Variants in IFI35 observed in about 807,000 individuals in gnomAD.
IFI35 encodes interferon-induced 35 kDa protein.
Under a neutral mutation model 28.6 loss-of-function variants are expected in IFI35, and 30 were observed. The observed-to-expected ratio is 1.05, with a 90% CI of 0.79 to 1.43. The LOEUF is 1.43. Ranked by LOEUF, IFI35 falls within the 40% of genes most tolerant of loss-of-function variation. IFI35 has a pLI of 0.00. For synonymous variants in IFI35, 146 were observed against 154.8 expected (o/e 0.94, Z 0.42); for missense variants, 372 against 356.9 (o/e 1.04, Z -0.34).
chr17:43,014,292 C>T lies in IFI35; in HGVS notation c.854C>T (p.Ser285Leu). The T allele has an allele frequency of 6.4e-7, 1 of 1,561,516 alleles. No homozygotes were observed. ...GGCCTAGCAGTCTTCACCTCTGAGT[C>T]AGGCTAGGGGCCTCCCCTTCTCATC... ...QQGLAVFTSESG is the reference protein window; with the variant it reads ...QQGLAVFTSELG The change falls in exon 7 of 7, where the codon TCA becomes TTA. Residue 285 changes from serine (S) to leucine (L), a missense_variant. Physicochemically the swap from Ser to Leu is moderately radical, Grantham distance 145. Coordinates refer to ENST00000415816, the MANE Select transcript of IFI35 (RefSeq NM_001330230.2).
chr17:43,009,751 C>G (rs1442454360), intron 1 of IFI35, among the ~76,000 whole-genome samples: 3 of 150,280 alleles, frequency 2.0e-5, no homozygotes, highest in African/African-American at 7.4e-5. Flanking sequence ...GACTCTGTCT[C>G]AAAATAAATA....
chr17:43,014,042 C>A, intron 6 of IFI35, 66 bp from the exon 7 acceptor site: 1 of 1,506,750 alleles, frequency 6.6e-7, no homozygotes, highest in Non-Finnish European at 9.1e-7. Context: ...GGGGCACTGC[C>A]TGCCCTACCC....
Position 43,014,133 on chromosome 17 carries a change from C to G in IFI35, c.695C>G (p.Ser232Trp). The G allele has an allele frequency of 1.2e-6, 2 of 1,614,048 alleles. No homozygotes were observed. Among genetic ancestry groups the G allele is most frequent in the Non-Finnish European group, 1.7e-6 (2 of 1,179,964 alleles). Residue 232 changes from serine to tryptophan, a missense_variant, in exon 7 of 7, where the codon TCG becomes TGG. Coordinates refer to ENST00000415816, the MANE Select transcript of IFI35 (RefSeq NM_001330230.2). ...ATCAGGTCGCAGCCAGTTCCCCGCT[C>G]GGTACTGGTGCTCAACATTCCTGAT... ...AEIRSQPVPR[S>W]VLVLNIPDIL... is the part of the protein sequence containing the mutation.
At chr17:43,013,721 G>T in intron 5 of IFI35, 55 bp from the exon 6 acceptor site, 1 of 1,608,572 alleles carries the variant, frequency 6.2e-7, no homozygotes, top group African/African-American at 1.3e-5. Flanking sequence ...AGATTACGGT[G>T]CAGGGAGAGG....
In IFI35 at chr17:43,007,847, T is replaced by TTTTATA. The variant is rs1375752219; in HGVS notation, c.21+880_21+881insTTATAT. On this transcript the variant is annotated intron_variant, in intron 1 of 6. Transcript: ENST00000415816. The stretch of plus-strand genomic sequence containing the variant: ...TCTCACACACACACACACACAAAAT[T>TTTTATA]TATATATATATATATATATATATAT... 3.6e-3 allele frequency among the ~76,000 whole-genome samples: 429 copies of TTTTATA among 119,014 alleles called. 2 individuals are homozygous for TTTTATA. The highest frequency in any genetic ancestry group is 5.1e-3 in the Non-Finnish European group (312 of 61,142). The allele number at this position is 119,014 out of a possible 152,430, so 78.1% of individuals were successfully genotyped here. A position where few individuals can be genotyped will look rare whatever the true frequency, so the allele number is the denominator to read the frequency against.
rs1041538049 is a variant in IFI35 at position 43,013,366 on chromosome 17, C to A, written c.368C>A (p.Thr123Asn). ...CCCTTGGAGCTGCCCATGGTCACCA[C>A]CATCCAGGTGATGGTATGACAGAAT... The part of the protein sequence containing the change: ...VQPLELPMVT[T>N]IQMSSQLSGR... Residue 123 changes from threonine to asparagine, a missense_variant, in exon 4 of 7, where the codon ACC becomes AAC. Physicochemically the swap from Thr to Asn is moderately conservative, Grantham distance 65. Coordinates refer to ENST00000415816, the MANE Select transcript of IFI35 (RefSeq NM_001330230.2). 6.2e-7 allele frequency: 1 copy of A among 1,614,074 alleles called. No homozygotes were observed. The highest frequency in any genetic ancestry group is 8.5e-7 in the Non-Finnish European group (1 of 1,179,970).
intron 1 of IFI35, among the ~76,000 whole-genome samples, chr17:43,011,246 T>C (rs2050455175): frequency 6.6e-6 from 1 of 152,164 alleles, no homozygotes; most frequent in Non-Finnish European, 1.5e-5. Context: ...TGGCCAGGCA[T>C]TGTGGCTTAC....
At chr17:43,011,079 G>A (rs2050454052) in intron 1 of IFI35, among the ~76,000 whole-genome samples, 1 of 152,160 alleles carries the variant, frequency 6.6e-6, no homozygotes, top group Admixed American at 6.5e-5. Context: ...AGCTAGAATT[G>A]ATGGGTAAAC....
At chr17:43,007,653 C>G (rs2050419662) in intron 1 of IFI35, among the ~76,000 whole-genome samples, 1 of 150,802 alleles carries the variant, frequency 6.6e-6, no homozygotes, top group Non-Finnish European at 1.5e-5. Context: ...TAGCAAAACC[C>G]CATCTCTACT....
chr17:43,013,296 CA>C lies in IFI35; in HGVS notation c.299del (p.His100ProfsTer31). ...VAEQVLQQKE[H>X]TINMEECRLR... ...TGAGCAGGTGCTGCAACAAAAGGAG[CA>C]CACGATCAACATGGAGGAGTGCCGG... On this transcript the variant is annotated frameshift_variant, in exon 4 of 7. Transcript: ENST00000415816. LOFTEE classifies it high-confidence loss of function. The C allele has an allele frequency of 6.2e-7, 1 of 1,614,180 alleles. No individual in the cohort carries two copies. Among genetic ancestry groups the C allele is most frequent in the Non-Finnish European group, 8.5e-7 (1 of 1,180,026 alleles).
At chr17:43,011,043 G>C (rs995042108) in intron 1 of IFI35, among the ~76,000 whole-genome samples, 1 of 152,196 alleles carries the variant, frequency 6.6e-6, no homozygotes, top group South Asian at 2.1e-4. Flanking sequence ...TTGGTGTACA[G>C]TGGAAAGTGT....
At position 43,013,798 on chromosome 17, in the gene IFI35, C is replaced by T. The variant is rs754314991; in HGVS notation, c.585C>T (p.Ile195=). The T allele has an allele frequency of 1.6e-5, 26 of 1,613,024 alleles. No individual in the cohort carries two copies. Among genetic ancestry groups the T allele is most frequent in the South Asian group, 7.7e-5 (7 of 91,040 alleles). Residue 195 remains isoleucine, a synonymous_variant, in exon 6 of 7, where the codon ATC becomes ATT. Transcript: ENST00000415816. ...RDGVAQRLCQ[I]GQFTVPLGGQ... is the part of the protein sequence containing the mutation. ...CAGTGGCTCAGCGTCTGTGCCAAAT[C>T]GGCCAGTTCACAGTGCCACTGGGTG... is the stretch of plus-strand genomic sequence containing the variant.
chr17:43,010,140 G>T (rs1478278684), intron 1 of IFI35, among the ~76,000 whole-genome samples: 1 of 151,708 alleles, frequency 6.6e-6, no homozygotes, highest in Non-Finnish European at 1.5e-5. Context: ...GGAGGCTGAG[G>T]CAGGAGAATG....
rs893257137 is a variant in IFI35, at chr17:43,012,327, G to A, written c.120+50G>A. Reference sequence around the variant, plus strand: ...TTGGTAAAAACGAGCTGGCGAGGCCGGGTGCGGTGGCTCACACCTGTAAAC... The same window carrying A: ...TTGGTAAAAACGAGCTGGCGAGGCCAGGTGCGGTGGCTCACACCTGTAAAC... On this transcript the variant is annotated intron_variant, in intron 2 of 6. Transcript: ENST00000415816. 13 of 1,388,936 alleles carry A rather than the reference G, an allele frequency of 9.4e-6. No homozygotes were observed. The East Asian group carries it at 1.0e-4, about 11-fold the overall frequency. The allele number at this position is 1,388,936 out of a possible 1,614,324, so 86.0% of individuals were successfully genotyped here.
chr17:43,007,436 C>T (rs749453861), intron 1 of IFI35, among the ~76,000 whole-genome samples: 24 of 147,806 alleles, frequency 1.6e-4, no homozygotes, highest in East Asian at 4.0e-4. Context: ...ACCTGGGAGG[C>T]GGAGGTTGCA....
rs140218345 is a variant in IFI35, at chr17:43,014,186, G to A, written c.748G>A (p.Val250Ile). Residue 250 changes from valine (V) to isoleucine (I), a missense_variant, in exon 7 of 7, where the codon GTC (valine) becomes ATC (isoleucine). Val to Ile is a conservative substitution (Grantham distance 29). Coordinates refer to ENST00000415816, the MANE Select transcript of IFI35 (RefSeq NM_001330230.2). ...DILDGPELHD[V>I]LEIHFQKPTR... is the part of the protein sequence containing the mutation. Reference sequence around the variant, plus strand: ...CTTGGATGGCCCGGAGCTGCATGACGTCCTGGAGATCCACTTCCAGAAGCC... The same window carrying A: ...CTTGGATGGCCCGGAGCTGCATGACATCCTGGAGATCCACTTCCAGAAGCC... The A allele has an allele frequency of 1.1e-4, 179 of 1,613,954 alleles. 1 individual carries two copies. Among genetic ancestry groups the A allele is most frequent in the Non-Finnish European group, 5.6e-5 (66 of 1,179,896 alleles).
intron 1 of IFI35, among the ~76,000 whole-genome samples, chr17:43,007,376 G>A (rs1333559889): frequency 1.3e-5 from 2 of 152,014 alleles, no homozygotes; most frequent in African/African-American, 4.8e-5. Flanking sequence ...GTGGTGGTGT[G>A]CGCCTGTAAT....
intron 4 of IFI35, 39 bp downstream of exon 4, chr17:43,013,412 C>T (rs2050483004): frequency 6.2e-7 from 1 of 1,611,940 alleles, no homozygotes; most frequent in Admixed American, 1.7e-5. Flanking sequence ...GCAAAGCATG[C>T]CATGCACCTG....
Position 43,014,240 on chromosome 17 carries a change from C to T in IFI35, c.802C>T (p.Leu268=), listed in dbSNP as rs775882822. 8.1e-6 allele frequency: 13 copies of T among 1,610,382 alleles called. No individual in the cohort carries two copies. The highest frequency in any genetic ancestry group is 1.0e-5 in the Non-Finnish European group (12 of 1,178,300). Reference sequence around the variant, plus strand: ...CCGCGGGGGCGGGGAGGTAGAGGCCCTGACAGTCGTACCCCAAGGACAGCA... The same window carrying T: ...CCGCGGGGGCGGGGAGGTAGAGGCCTTGACAGTCGTACCCCAAGGACAGCA... ...PTRGGGEVEA[L]TVVPQGQQGL... The change falls in exon 7 of 7, where the codon CTG becomes TTG. Residue 268 remains leucine (L), a synonymous_variant. Transcript: ENST00000415816.
Sources: gnomAD v4.1 joint callset for allele counts (sites outside exome capture counted in the v4.1 genomes callset) on GRCh38, gnomAD v4.1.1 for gene constraint, MANE v1.5 for transcripts, NCBI Gene and HGNC (gene_info 2026-07-23, HGNC 2026-07-21) for gene names.